DNAAF11: variants seen among roughly 807,000 people sequenced by gnomAD.
The protein encoded by DNAAF11 is dynein axonemal assembly factor 11.
Under a neutral mutation model 60.8 loss-of-function variants are expected in DNAAF11, and 45 were observed. That is an observed-to-expected ratio of 0.74 (90% CI 0.58 to 0.95). The LOEUF (loss-of-function observed/expected upper bound fraction) is 0.95. DNAAF11 is among the 40% of genes least tolerant of loss of function. DNAAF11 has a pLI of 0.00. For missense variants in DNAAF11, 546 were observed against 546.2 expected, an observed-to-expected ratio of 1.00 and a Z score of 0.00; for synonymous variants, 191 against 183.5, an observed-to-expected ratio of 1.04 and a Z score of -0.33.
chr8:132,681,497 G>A, the DNAAF11 span, among the ~76,000 whole-genome samples: 1 of 151,944 alleles, frequency 6.6e-6, no homozygotes, highest in South Asian at 2.1e-4. Flanking sequence ...GACTGGAGGA[G>A]GGCAGCATTA....
At chr8:132,580,107 A>G (rs568702885) in intron 11 of DNAAF11, among the ~76,000 whole-genome samples, 1 of 152,296 alleles carries the variant, frequency 6.6e-6, no homozygotes, top group South Asian at 2.1e-4. Context: ...CAGATATTGG[A>G]ATATGAAAAC....
chr8:132,638,374 C>T (rs1296644904), intron 3 of DNAAF11, among the ~76,000 whole-genome samples: 1 of 152,072 alleles, frequency 6.6e-6, no homozygotes, highest in Non-Finnish European at 1.5e-5. Context: ...ACTTACAAGG[C>T]TGGTTAATTT....
chr8:132,674,986 G>T (rs1282402069), intron 1 of DNAAF11, among the ~76,000 whole-genome samples: 2 of 152,214 alleles, frequency 1.3e-5, no homozygotes, highest in Non-Finnish European at 2.9e-5. Context: ...GGCCCAAGGG[G>T]TGAAGTCACT....
chr8:132,637,907 G>A, intron 4 of DNAAF11, 28 bp downstream of exon 4: 1 of 1,566,428 alleles, frequency 6.4e-7, no homozygotes, highest in Non-Finnish European at 8.7e-7. Flanking sequence ...ATTTATCTGT[G>A]ATTTCTGCAC....
At chr8:132,609,548 C>G (rs894430627) in intron 10 of DNAAF11, among the ~76,000 whole-genome samples, 9 of 152,054 alleles carry the variant, frequency 5.9e-5, no homozygotes, top group Non-Finnish European at 1.0e-4. Flanking sequence ...CTAAACTGAC[C>G]TAAGAAGTTC....
chr8:132,585,329 ATG>A (rs562250067), intron 10 of DNAAF11, among the ~76,000 whole-genome samples: 225 of 152,256 alleles, frequency 1.5e-3, no homozygotes, highest in African/African-American at 5.2e-3. Flanking sequence ...ACGTGTATGG[ATG>A]TGTGATGCCA....
Position 132,632,680 on chromosome 8 carries a change from G to T in DNAAF11, c.653+60C>A, listed in dbSNP as rs538587168. On this transcript the variant is annotated intron_variant, in intron 5 of 11. Transcript: ENST00000620350. ...GTGTACTGCAAACAACTTGGAAAGA[G>T]AATACAGTTTGCTGCTTTTAACAAA... The T allele has an allele frequency of 4.3e-6, 5 of 1,153,020 alleles. No individual in the cohort carries two copies. The East Asian group carries it at 9.3e-5, about 22-fold the overall frequency. The allele number at this position is 1,153,020 out of a possible 1,614,324, so 71.4% of individuals were successfully genotyped here.
intron 10 of DNAAF11, among the ~76,000 whole-genome samples, chr8:132,592,481 G>A (rs1403012987): frequency 6.6e-6 from 1 of 152,174 alleles, no homozygotes; most frequent in Admixed American, 6.5e-5. Context: ...CTTTAGAAGG[G>A]GAGACAGTAG....
intron 3 of DNAAF11, among the ~76,000 whole-genome samples, chr8:132,650,716 T>C (rs904283626): frequency 2.0e-5 from 3 of 152,228 alleles, no homozygotes; most frequent in Non-Finnish European, 2.9e-5. Context: ...GTAGAAGATA[T>C]ATTTGGGGTA....
intron 1 of DNAAF11, among the ~76,000 whole-genome samples, chr8:132,663,060 G>A (rs565323308): frequency 6.6e-6 from 1 of 152,248 alleles, no homozygotes; most frequent in African/African-American, 2.4e-5. Context: ...CCATACATGG[G>A]GAAAGTCCTT....
chr8:132,665,455 T>C (rs1418779933), intron 1 of DNAAF11, among the ~76,000 whole-genome samples: 1 of 152,088 alleles, frequency 6.6e-6, no homozygotes, highest in East Asian at 1.9e-4. Flanking sequence ...TAAAAATGCT[T>C]TGGGAAGACA....
chr8:132,673,386 T>C (rs188761536), intron 1 of DNAAF11, among the ~76,000 whole-genome samples: 1 of 152,178 alleles, frequency 6.6e-6, no homozygotes. Context: ...ATTGGAGGAG[T>C]GCTTGTCATC....
intron 3 of DNAAF11, among the ~76,000 whole-genome samples, chr8:132,650,651 CTA>C (rs1437556305): frequency 6.6e-6 from 1 of 152,086 alleles, no homozygotes; most frequent in African/African-American, 2.4e-5. Context: ...GTCTATATCT[CTA>C]TGTTTCTATG....
rs535189851 is a variant in DNAAF11, at chr8:132,570,498, A to G, written c.*1808T>C. Among the ~76,000 whole-genome samples, 5 of 152,322 alleles carry G rather than the reference A, an allele frequency of 3.3e-5. 1 individual carries two copies. The highest frequency in any genetic ancestry group is 7.3e-5 in the Non-Finnish European group (5 of 68,038). The stretch of plus-strand genomic sequence containing the variant: ...TTGCTTTCTCTCTATGTGGAAATTA[A>G]ATACAGTCCTGACAAATGTACATGA... On this transcript the variant is annotated 3_prime_UTR_variant, in exon 12 of 12. Transcript: ENST00000620350.
chr8:132,674,133 GAGA>G lies in DNAAF11; in HGVS notation c.10+1348_10+1350del, dbSNP rs1167400760. The stretch of plus-strand genomic sequence containing the variant: ...GGAGCAGGAGGAGGAGGAGGAGGAG[GAGA>G]AGGAGGAGGAAGAGGAGGAGGAGAA... On this transcript the variant is annotated intron_variant, in intron 1 of 11. Transcript: ENST00000620350. 2.7e-3 allele frequency among the ~76,000 whole-genome samples: 385 copies of G among 140,384 alleles called. 7 individuals carry two copies. The highest frequency in any genetic ancestry group is 7.4e-3 in the African/African-American group (261 of 35,460). The allele number at this position is 140,384 out of a possible 152,430, so 92.1% of individuals were successfully genotyped here.
chr8:132,681,528 C>A, the DNAAF11 span, among the ~76,000 whole-genome samples: 1 of 151,904 alleles, frequency 6.6e-6, no homozygotes, highest in East Asian at 1.9e-4. Flanking sequence ...TCTACTGCAT[C>A]CAACATAAGG....
chr8:132,619,818 C>T (rs2130204204), intron 7 of DNAAF11, among the ~76,000 whole-genome samples: 1 of 152,226 alleles, frequency 6.6e-6, no homozygotes, highest in African/African-American at 2.4e-5. Flanking sequence ...GATAACTGAG[C>T]AACTAAGTCC....
At chr8:132,641,710 C>T (rs1821873850) in intron 3 of DNAAF11, among the ~76,000 whole-genome samples, 1 of 152,170 alleles carries the variant, frequency 6.6e-6, no homozygotes, top group Admixed American at 6.5e-5. Flanking sequence ...ATTGACAAGA[C>T]TGAGTATAGG....
intron 7 of DNAAF11, 77 bp from the exon 8 acceptor site, chr8:132,615,174 A>G: frequency 1.2e-6 from 1 of 801,394 alleles, no homozygotes; most frequent in Non-Finnish European, 2.1e-6. Context: ...TAAATTCATA[A>G]GCAGATTAGA....
Sources: gnomAD v4.1 joint callset for allele counts (sites outside exome capture counted in the v4.1 genomes callset) on GRCh38, gnomAD v4.1.1 for gene constraint, MANE v1.5 for transcripts, NCBI Gene and HGNC (gene_info 2026-07-23, HGNC 2026-07-21) for gene names.